Variants in BMPR1B observed in about 807,000 individuals in gnomAD.
BMPR1B encodes bone morphogenetic protein receptor type-1B.
A neutral mutation model predicts 59.1 loss-of-function variants in BMPR1B; 12 were observed. The ratio of observed to expected loss-of-function variants is 0.20; its 90% CI spans 0.13 to 0.33. The LOEUF is 0.33. BMPR1B is among the 10% of genes least tolerant of loss of function. The pLI is 1.00. For missense variants in BMPR1B, 550 were observed against 610.9 expected, an observed-to-expected ratio of 0.90 and a Z score of 1.05; for synonymous variants, 237 against 207.3, an observed-to-expected ratio of 1.14 and a Z score of -1.23.
chr4:95,099,855 T>A (rs2149260273), intron 3 of BMPR1B, among the ~76,000 whole-genome samples: 1 of 152,314 alleles, frequency 6.6e-6, no homozygotes, highest in South Asian at 2.1e-4. Flanking sequence ...GATTTAGTTA[T>A]TTTTTCTCAT....
At chr4:95,060,282 C>T (rs1242419005) in intron 3 of BMPR1B, among the ~76,000 whole-genome samples, 1 of 152,194 alleles carries the variant, frequency 6.6e-6, no homozygotes, top group African/African-American at 2.4e-5. Context: ...TCTTTCCCTA[C>T]AGATAGAACC....
At chr4:94,778,542 G>A (rs912511773) in intron 1 of BMPR1B, among the ~76,000 whole-genome samples, 2 of 152,052 alleles carry the variant, frequency 1.3e-5, no homozygotes, top group Admixed American at 6.6e-5. Flanking sequence ...TGGGCTTCTT[G>A]TATTAACTCT....
chr4:95,075,401 C>T (rs1042469285), intron 3 of BMPR1B, among the ~76,000 whole-genome samples: 2 of 152,004 alleles, frequency 1.3e-5, no homozygotes, highest in African/African-American at 2.4e-5. Context: ...TGCATGATAG[C>T]GGTACTTTAT....
At chr4:94,905,047 A>G (rs1023983427) in intron 2 of BMPR1B, among the ~76,000 whole-genome samples, 6 of 152,064 alleles carry the variant, frequency 3.9e-5, no homozygotes, top group Non-Finnish European at 8.8e-5. Flanking sequence ...TGGATAAATT[A>G]TTTGAAAATA....
At chr4:94,789,209 GA>G (rs1722875715) in intron 1 of BMPR1B, among the ~76,000 whole-genome samples, 1 of 152,200 alleles carries the variant, frequency 6.6e-6, no homozygotes, top group African/African-American at 2.4e-5. Flanking sequence ...AACAAGAGAA[GA>G]TGACACTTCA....
chr4:94,902,216 T>TCACACACACA (rs748411550), intron 2 of BMPR1B, among the ~76,000 whole-genome samples: 32 of 77,376 alleles, frequency 4.1e-4, no homozygotes, highest in African/African-American at 7.9e-4. Flanking sequence ...GAAATTCAAT[T>TCACACACACA]CACACACACA....
At chr4:94,875,670 C>G (rs564231999) in intron 1 of BMPR1B, among the ~76,000 whole-genome samples, 161 bp from the exon 2 acceptor site, 1 of 152,252 alleles carries the variant, frequency 6.6e-6, no homozygotes, top group South Asian at 2.1e-4. Context: ...GGCGATGGAG[C>G]GAGACTCCAT....
At chr4:95,071,652 G>GTGTATATATA (rs59539011) in intron 3 of BMPR1B, among the ~76,000 whole-genome samples, 7 of 84,328 alleles carry the variant, frequency 8.3e-5, no homozygotes, top group East Asian at 6.8e-4. Context: ...GTGTGTGTGT[G>GTGTATATATA]TATATATATA....
intron 3 of BMPR1B, among the ~76,000 whole-genome samples, chr4:95,068,842 A>G (rs1560629987): frequency 6.6e-6 from 1 of 152,188 alleles, no homozygotes; most frequent in Non-Finnish European, 1.5e-5. Flanking sequence ...TTTCCTGAGG[A>G]ACCAAAATTA....
At chr4:95,046,166 C>T (rs779366825) in intron 3 of BMPR1B, among the ~76,000 whole-genome samples, 12 of 152,150 alleles carry the variant, frequency 7.9e-5, no homozygotes, top group African/African-American at 1.4e-4. Flanking sequence ...GCCTCACCCT[C>T]CCTAATAACT....
intron 2 of BMPR1B, among the ~76,000 whole-genome samples, chr4:94,903,252 A>G (rs1415541547): frequency 6.6e-6 from 1 of 151,972 alleles, no homozygotes; most frequent in African/African-American, 2.4e-5. Flanking sequence ...TAAGAATTCA[A>G]TTTAACCCCT....
At chr4:94,983,796 A>T (rs992306065) in intron 2 of BMPR1B, among the ~76,000 whole-genome samples, 5 of 152,168 alleles carry the variant, frequency 3.3e-5, no homozygotes, top group African/African-American at 1.2e-4. Flanking sequence ...TCTATGTTGC[A>T]TGTTTATCTC....
chr4:95,045,926 G>C (rs34745188), intron 3 of BMPR1B, among the ~76,000 whole-genome samples: 1 of 152,026 alleles, frequency 6.6e-6, no homozygotes, highest in Non-Finnish European at 1.5e-5. Flanking sequence ...GGGAGTTTCT[G>C]TGTGAAAATG....
intron 1 of BMPR1B, among the ~76,000 whole-genome samples, chr4:94,866,348 C>A (rs1009042269): frequency 1.3e-4 from 20 of 152,280 alleles, no homozygotes; most frequent in Admixed American, 4.6e-4. Flanking sequence ...TGCCTTTCTT[C>A]CTTTCACAGT....
chr4:94,792,482 C>T (rs1305827496), intron 1 of BMPR1B, among the ~76,000 whole-genome samples: 4 of 152,110 alleles, frequency 2.6e-5, no homozygotes, highest in African/African-American at 9.7e-5. Flanking sequence ...ATAACACACA[C>T]ACACATACAC....
At chr4:94,894,279 T>C (rs1249440179) in intron 2 of BMPR1B, among the ~76,000 whole-genome samples, 2 of 152,086 alleles carry the variant, frequency 1.3e-5, no homozygotes, top group African/African-American at 4.8e-5. Context: ...CTCTGTGACC[T>C]TGGCAACATT....
rs184633480 is a variant in BMPR1B at position 94,962,112 on chromosome 4, C to T, written c.-112-33928C>T. Among the ~76,000 whole-genome samples, 282 of 110,344 alleles carry T rather than the reference C, an allele frequency of 2.6e-3. 1 individual carries two copies. The highest frequency in any genetic ancestry group is 5.2e-3 in the Admixed American group (57 of 10,970). The allele number at this position is 110,344 out of a possible 152,430, so 72.4% of individuals were successfully genotyped here. A position where few individuals can be genotyped will look rare whatever the true frequency, so the allele number is the denominator to read the frequency against. The stretch of plus-strand genomic sequence containing the variant: ...CCTTCCTTCCTTCCTTCCTTCCTTC[C>T]TTCCTTCCTTCTTTCCTTCCTTCCT... On this transcript the variant is annotated intron_variant, in intron 2 of 12. Coordinates refer to ENST00000515059, the MANE Select transcript of BMPR1B (RefSeq NM_001203.3).
intron 2 of BMPR1B, among the ~76,000 whole-genome samples, chr4:94,973,877 G>T (rs1455409708): frequency 6.6e-6 from 1 of 152,088 alleles, no homozygotes; most frequent in Non-Finnish European, 1.5e-5. Flanking sequence ...TCAGAATTCT[G>T]TCTTGAAATT....
chr4:94,950,006 C>T (rs558050168), intron 2 of BMPR1B, among the ~76,000 whole-genome samples: 2 of 152,204 alleles, frequency 1.3e-5, no homozygotes, highest in Non-Finnish European at 2.9e-5. Context: ...GATGATATCT[C>T]ATTGTGGTTT....
Sources: allele counts gnomAD v4.1 joint callset (sites outside exome capture counted in the v4.1 genomes callset), GRCh38; gene constraint gnomAD v4.1.1; transcripts MANE v1.5; gene names NCBI Gene and HGNC (gene_info 2026-07-23, HGNC 2026-07-21).